AMTN: variants seen among roughly 807,000 people sequenced by gnomAD.
AMTN encodes amelotin.
AMTN carries 29 observed loss-of-function variants against 27.4 expected under a neutral mutation model. The ratio of observed to expected loss-of-function variants is 1.06; its 90% CI spans 0.79 to 1.44. AMTN has a LOEUF of 1.44. Among genes scored for constraint, AMTN ranks in the 40% most tolerant of loss-of-function variants. The pLI is 0.00. For missense variants in AMTN, 247 were observed against 248.8 expected (o/e 0.99, Z 0.05); for synonymous variants, 86 against 95.7 (o/e 0.90, Z 0.59).
intron 5 of AMTN, among the ~76,000 whole-genome samples, chr4:70,526,413 C>T (rs1385329345): frequency 6.6e-6 from 1 of 151,972 alleles, no homozygotes; most frequent in Non-Finnish European, 1.5e-5. Context: ...AAAGTCTTTG[C>T]TTCTATAAAC....
chr4:70,528,948 A>G (rs28485286), intron 6 of AMTN, among the ~76,000 whole-genome samples, 190 bp downstream of exon 6: 53,652 of 152,038 alleles, frequency 0.35, 10,755 homozygotes, highest in Admixed American at 0.46. Context: ...ATAGAAAAAT[A>G]TATACTTTTT....
At position 70,527,727 on chromosome 4, in the gene AMTN, T is replaced by C. The variant is rs374836325; in HGVS notation, c.295-996T>C. Among the ~76,000 whole-genome samples the C allele has an allele frequency of 6.0e-4, 92 of 152,316 alleles. No individual in the cohort carries two copies. The East Asian group carries it at 0.014, about 24-fold the overall frequency. Reference sequence around the variant, plus strand: ...CTTTCCTGACACTTTGAATTTTCTATAGAAATAAGAATAAATTTTTAAAAC... The same window carrying C: ...CTTTCCTGACACTTTGAATTTTCTACAGAAATAAGAATAAATTTTTAAAAC... On this transcript the variant is annotated intron_variant, in intron 5 of 8. Transcript: ENST00000339336.
At position 70,521,744 on chromosome 4, in the gene AMTN, C is replaced by T. The variant is rs181775613; in HGVS notation, c.55-1011C>T. Among the ~76,000 whole-genome samples, 344 of 138,030 alleles carry T rather than the reference C, an allele frequency of 2.5e-3. 2 individuals are homozygous for T. The highest frequency in any genetic ancestry group is 8.9e-3 in the African/African-American group (328 of 36,696). 90.6% of individuals were successfully genotyped at this position (138,030 alleles called of 152,430 possible). A position where few individuals can be genotyped will look rare whatever the true frequency, so the allele number is the denominator to read the frequency against. On this transcript the variant is annotated intron_variant, in intron 2 of 8. Coordinates refer to ENST00000339336, the MANE Select transcript of AMTN (RefSeq NM_212557.4). ...AAGTGATTCTCCTTCCTCAACCTCCCGAGTAGCTGGGACTATAAGCGTGCA... is the reference window on the plus strand; with the variant it reads ...AAGTGATTCTCCTTCCTCAACCTCCTGAGTAGCTGGGACTATAAGCGTGCA...
At chr4:70,521,638 C>CTTTTT (rs1560572106) in intron 2 of AMTN, among the ~76,000 whole-genome samples, 11 of 78,954 alleles carry the variant, frequency 1.4e-4, no homozygotes, top group Non-Finnish European at 2.2e-4. Context: ...ATACCAACCT[C>CTTTTT]TCTTTTTTTT....
At chr4:70,524,499 T>A (rs569312809) in intron 4 of AMTN, among the ~76,000 whole-genome samples, 29 of 152,368 alleles carry the variant, frequency 1.9e-4, no homozygotes, top group African/African-American at 6.7e-4. Context: ...TTTTCACGCA[T>A]AACCTAGAGG....
chr4:70,527,659 T>C (rs1443033185), intron 5 of AMTN, among the ~76,000 whole-genome samples: 1 of 152,210 alleles, frequency 6.6e-6, no homozygotes, highest in East Asian at 1.9e-4. Flanking sequence ...CTTTCAAATC[T>C]TCTGGTTTGG....
intron 7 of AMTN, 31 bp from the exon 8 acceptor site, chr4:70,531,008 C>T (rs1479811510): frequency 6.2e-7 from 1 of 1,610,682 alleles, no homozygotes; most frequent in Non-Finnish European, 8.5e-7. Flanking sequence ...TTGCTTTTAA[C>T]TTTGTTTTCT....
rs1216681128 is a variant in AMTN at position 70,523,859 on chromosome 4, C to G, written c.139-9C>G. The stretch of plus-strand genomic sequence containing the variant: ...TCTTGTCTCATACATCACTTTCAAT[C>G]CCCTGCAGGTCTTTCCTTCTTTAAG... On this transcript the variant is annotated splice_polypyrimidine_tract_variant and intron_variant, in intron 3 of 8. Coordinates refer to ENST00000339336, the MANE Select transcript of AMTN (RefSeq NM_212557.4). 2.5e-6 allele frequency: 4 copies of G among 1,612,672 alleles called. No individual in the cohort carries two copies. The East Asian group carries it at 8.9e-5, about 36-fold the overall frequency.
intron 6 of AMTN, 70 bp from the exon 7 acceptor site, chr4:70,529,114 T>C (rs1736159310): frequency 1.5e-6 from 2 of 1,293,344 alleles, no homozygotes; most frequent in Admixed American, 5.9e-5. Flanking sequence ...TTTTAAGTGA[T>C]ATTATACATA....
chr4:70,523,862 C>T lies in AMTN; in HGVS notation c.139-6C>T, dbSNP rs774730814. The stretch of plus-strand genomic sequence containing the variant: ...TGTCTCATACATCACTTTCAATCCC[C>T]TGCAGGTCTTTCCTTCTTTAAGTCT... On this transcript the variant is annotated splice_region_variant and splice_polypyrimidine_tract_variant and intron_variant, in intron 3 of 8. Transcript: ENST00000339336. 2 of 1,613,218 alleles carry T rather than the reference C, an allele frequency of 1.2e-6. No individual in the cohort carries two copies. The highest frequency in any genetic ancestry group is 2.2e-5 in the South Asian group (2 of 90,976).
At chr4:70,527,321 C>T (rs1277332211) in intron 5 of AMTN, among the ~76,000 whole-genome samples, 2 of 152,140 alleles carry the variant, frequency 1.3e-5, no homozygotes, top group African/African-American at 4.8e-5. Context: ...AATTAGAGTA[C>T]CTTTCATTAC....
intron 7 of AMTN, among the ~76,000 whole-genome samples, chr4:70,530,345 C>T (rs1736194445): frequency 6.6e-6 from 1 of 152,124 alleles, no homozygotes; most frequent in African/African-American, 2.4e-5. Context: ...TTTTTTACTT[C>T]AAAACTGTGG....
intron 2 of AMTN, among the ~76,000 whole-genome samples, chr4:70,519,815 G>A (rs765151397): frequency 6.6e-6 from 1 of 151,440 alleles, no homozygotes; most frequent in Non-Finnish European, 1.5e-5. Flanking sequence ...GATTATTTAT[G>A]TGAAGGAAAT....
chr4:70,529,536 G>A (rs1449116426), intron 7 of AMTN, among the ~76,000 whole-genome samples: 2 of 152,166 alleles, frequency 1.3e-5, no homozygotes, highest in Non-Finnish European at 2.9e-5. Flanking sequence ...GTATGCAAAT[G>A]TAGAATAACA....
intron 3 of AMTN, 34 bp from the exon 4 acceptor site, chr4:70,523,834 T>C: frequency 6.4e-7 from 1 of 1,565,564 alleles, no homozygotes; most frequent in Non-Finnish European, 8.8e-7. Flanking sequence ...GCAGACAACC[T>C]CTTGTCTCAT....
intron 5 of AMTN, 34 bp from the exon 6 acceptor site, chr4:70,528,689 T>C (rs1560574312): frequency 5.0e-6 from 8 of 1,593,266 alleles, no homozygotes; most frequent in Non-Finnish European, 6.0e-6. Flanking sequence ...TTCCAGAGCT[T>C]ACTTTTGAAA....
At chr4:70,528,206 T>C (rs1736138916) in intron 5 of AMTN, among the ~76,000 whole-genome samples, 2 of 129,198 alleles carry the variant, frequency 1.5e-5, no homozygotes, top group African/African-American at 3.1e-5. Flanking sequence ...ATGTGCTATC[T>C]TGAACTGGTT....
In AMTN at chr4:70,531,232, T is replaced by C. The variant is rs769313608; in HGVS notation, c.551T>C (p.Val184Ala). 3.7e-6 allele frequency: 6 copies of C among 1,614,036 alleles called. No individual in the cohort carries two copies. The Admixed American group carries it at 1.0e-4, about 27-fold the overall frequency. Reference sequence around the variant, plus strand: ...AGTGGCACAGATGACGACTTTGCAGTGACCACCCCTGCAGGCATCCAAAGG... The same window carrying C: ...AGTGGCACAGATGACGACTTTGCAGCGACCACCCCTGCAGGCATCCAAAGG... ...TPSGTDDDFA[V>A]TTPAGIQRST... is the part of the protein sequence containing the mutation. Residue 184 changes from valine to alanine, a missense_variant, in exon 8 of 9, where the codon GTG becomes GCG. Coordinates refer to ENST00000339336, the MANE Select transcript of AMTN (RefSeq NM_212557.4).
chr4:70,529,095 T>C (rs903958357), intron 6 of AMTN, 89 bp from the exon 7 acceptor site: 1 of 1,162,598 alleles, frequency 8.6e-7, no homozygotes, highest in South Asian at 1.7e-5. Flanking sequence ...TCTTTGAAAG[T>C]ATTTTAAGTT....
Sources: gnomAD v4.1 joint callset for allele counts (sites outside exome capture counted in the v4.1 genomes callset) on GRCh38, gnomAD v4.1.1 for gene constraint, MANE v1.5 for transcripts, NCBI Gene and HGNC (gene_info 2026-07-23, HGNC 2026-07-21) for gene names.